The following LNX2 variants were observed in gnomAD, a reference collection of about 807,000 sequenced individuals.
LNX2 encodes ligand of numb-protein X 2.
LNX2 carries 35 observed loss-of-function variants against 66.2 expected under a neutral mutation model. That is an observed-to-expected ratio of 0.53 (90% CI 0.40 to 0.70). The LOEUF (loss-of-function observed/expected upper bound fraction) is 0.70. Ranked by LOEUF, LNX2 falls within the 30% of genes least tolerant of loss-of-function variation. LNX2 has a pLI of 0.00. For synonymous variants in LNX2, 337 were observed against 315.6 expected (o/e 1.07, Z -0.72); for missense variants, 791 against 850.8 (o/e 0.93, Z 0.87).
chr13:27,599,229 G>T (rs1955629884), intron 1 of LNX2, among the ~76,000 whole-genome samples: 1 of 152,132 alleles, frequency 6.6e-6, no homozygotes, highest in African/African-American at 2.4e-5. Flanking sequence ...AATTTGTACA[G>T]TGCTTTGAAT....
rs11281345 is a variant in LNX2 at position 27,583,261 on chromosome 13, C to CGCGT, written c.-100-1459_-100-1458insACGC. Among the ~76,000 whole-genome samples the CGCGT allele has an allele frequency of 5.7e-3, 261 of 45,462 alleles. 74 individuals are homozygous for CGCGT. The highest frequency in any genetic ancestry group is 9.9e-3 in the African/African-American group (117 of 11,792). 29.8% of individuals were successfully genotyped at this position (45,462 alleles called of 152,430 possible). On this transcript the variant is annotated intron_variant, in intron 1 of 9. Coordinates refer to ENST00000316334, the MANE Select transcript of LNX2 (RefSeq NM_153371.4). ...GTGTGTGTGTGTGTGTGTGTGCGCG[C>CGCGT]GTCCTCTCCAACATACTTATTTTTA...
chr13:27,620,898 A>G (rs556906809), upstream of LNX2: 1 of 150,628 alleles, frequency 6.6e-6, no homozygotes, highest in African/African-American at 2.4e-5. Flanking sequence ...ATCCAGAGGA[A>G]TCGCGGGGCG....
intron 1 of LNX2, among the ~76,000 whole-genome samples, chr13:27,614,651 G>GT (rs879278334): frequency 3.9e-5 from 6 of 152,184 alleles, no homozygotes; most frequent in Non-Finnish European, 7.3e-5. Context: ...TATCTGGGCA[G>GT]TAGGCAGGAA....
At chr13:27,596,964 C>T (rs553987529) in intron 1 of LNX2, among the ~76,000 whole-genome samples, 1 of 152,312 alleles carries the variant, frequency 6.6e-6, no homozygotes, top group East Asian at 1.9e-4. Flanking sequence ...TTGCCTTCCA[C>T]ATCTAAGCAG....
rs546630336 is a variant in LNX2 at position 27,583,880 on chromosome 13, G to A, written c.-100-2077C>T. On this transcript the variant is annotated intron_variant, in intron 1 of 9. Transcript: ENST00000316334. ...CTATGGAGAGACATGAAAAGAACTG[G>A]CATCTAACTCTGGCTTTGTGGCCGG... is the stretch of plus-strand genomic sequence containing the variant. Among the ~76,000 whole-genome samples the A allele has an allele frequency of 5.3e-4, 81 of 152,268 alleles. 1 individual carries two copies. Among genetic ancestry groups the A allele is most frequent in the African/African-American group, 1.9e-3 (79 of 41,544 alleles).
chr13:27,573,443 T>TAA (rs60543818), intron 2 of LNX2, among the ~76,000 whole-genome samples: 38 of 146,882 alleles, frequency 2.6e-4, no homozygotes, highest in Middle Eastern at 3.5e-3. Context: ...AAGCATTGGT[T>TAA]AAAAAAAAAA....
intron 1 of LNX2, among the ~76,000 whole-genome samples, chr13:27,584,476 C>T (rs541333082): frequency 1.3e-5 from 2 of 149,930 alleles, no homozygotes; most frequent in East Asian, 4.0e-4. Context: ...ATCCCTTGAG[C>T]CCAGGAGTGA....
At chr13:27,557,221 T>C (rs1672106132) in intron 6 of LNX2, among the ~76,000 whole-genome samples, 1 of 152,096 alleles carries the variant, frequency 6.6e-6, no homozygotes, top group South Asian at 2.1e-4. Context: ...TTTACATGCA[T>C]TATTTCATTT....
chr13:27,590,104 C>A (rs546678337), intron 1 of LNX2, among the ~76,000 whole-genome samples: 2 of 152,304 alleles, frequency 1.3e-5, no homozygotes, highest in Non-Finnish European at 2.9e-5. Flanking sequence ...CGCCCACCAC[C>A]ACCCCCGGCT....
Position 27,548,219 on chromosome 13 carries a change from C to T in LNX2, c.*116G>A, listed in dbSNP as rs1252962130. On this transcript the variant is annotated 3_prime_UTR_variant, in exon 10 of 10. Coordinates refer to ENST00000316334, the MANE Select transcript of LNX2 (RefSeq NM_153371.4). ...ACGGACAATCTTAGTGGGTTTTGGC[C>T]CTGTGTATACCAGCAGTGTCAGCAG... The T allele has an allele frequency of 2.6e-5, 24 of 910,636 alleles. No homozygotes were observed. The Admixed American group carries it at 5.6e-4, about 21-fold the overall frequency. 56.4% of individuals were successfully genotyped at this position (910,636 alleles called of 1,614,324 possible).
rs576166263 is a variant in LNX2 at position 27,550,344 on chromosome 13, A to T, written c.1926T>A (p.Asp642Glu). Residue 642 changes from aspartate to glutamate, a missense_variant, in exon 9 of 10, where the codon GAT (aspartate) becomes GAA (glutamate). Physicochemically the swap from Asp to Glu is conservative, Grantham distance 45. Coordinates refer to ENST00000316334, the MANE Select transcript of LNX2 (RefSeq NM_153371.4). ...TIVLGTPAYY[D>E]GRLKCGDMIV... ...AGAACAAGACTCACTTTAATCTTCC[A>T]TCATAATAAGCAGGAGTTCCCAAGA... 3.1e-6 allele frequency: 5 copies of T among 1,612,938 alleles called. No individual in the cohort carries two copies. The African/African-American group carries it at 6.7e-5, about 22-fold the overall frequency.
intron 8 of LNX2, among the ~76,000 whole-genome samples, chr13:27,552,494 A>G (rs908661560): frequency 1.3e-5 from 2 of 152,244 alleles, no homozygotes; most frequent in African/African-American, 4.8e-5. Context: ...AATGCTTCAT[A>G]GCTTAGTTTT....
At position 27,581,306 on chromosome 13, in the gene LNX2, A is replaced by C; in HGVS notation, c.398T>G (p.Leu133Arg). The stretch of plus-strand genomic sequence containing the variant: ...TATATTTTTTGCTTACCTGTTTTTG[A>C]GATGTGCCTCCAGATCACAACGTTG... Reference protein sequence around the residue: ...VMQRCDLEAHLKNRCPGASHR... With the variant: ...VMQRCDLEAHRKNRCPGASHR... Residue 133 changes from leucine to arginine, a missense_variant, in exon 2 of 10, where the codon CTC becomes CGC. Leu to Arg is a moderately radical substitution (Grantham distance 102). Transcript: ENST00000316334. 1 of 1,476,798 alleles carries C rather than the reference A, an allele frequency of 6.8e-7. No homozygotes were observed. Among genetic ancestry groups the C allele is most frequent in the Non-Finnish European group, 9.0e-7 (1 of 1,111,204 alleles). 91.5% of individuals were successfully genotyped at this position (1,476,798 alleles called of 1,614,324 possible).
In LNX2 at chr13:27,548,271, C is replaced by A. The variant is rs55768029; in HGVS notation, c.*64G>T. 89,791 of 1,536,968 alleles carry A rather than the reference C, an allele frequency of 0.058. 3,003 individuals are homozygous for A. Among genetic ancestry groups the A allele is most frequent in the Non-Finnish European group, 0.067 (75,878 of 1,124,710 alleles). The stretch of plus-strand genomic sequence containing the variant: ...TCCTAAACCACAAACACAATGAAAC[C>A]AAAGGGTTTTCTTTCAAAAATCTAA... On this transcript the variant is annotated 3_prime_UTR_variant, in exon 10 of 10. Transcript: ENST00000316334.
Position 27,576,322 on chromosome 13 carries a change from T to A in LNX2, c.407+4975A>T, listed in dbSNP as rs141724597. Among the ~76,000 whole-genome samples, 175 of 152,144 alleles carry A rather than the reference T, an allele frequency of 1.2e-3. 1 individual carries two copies. The highest frequency in any genetic ancestry group is 3.9e-3 in the African/African-American group (162 of 41,504). Reference sequence around the variant, plus strand: ...AACACTATAGACCAATTAGACCCAATAGACATATGGAGCACTCCATCCATT... The same window carrying A: ...AACACTATAGACCAATTAGACCCAAAAGACATATGGAGCACTCCATCCATT... On this transcript the variant is annotated intron_variant, in intron 2 of 9. Coordinates refer to ENST00000316334, the MANE Select transcript of LNX2 (RefSeq NM_153371.4).
Position 27,620,514 on chromosome 13 carries a change from C to A in LNX2, c.-240G>T. On this transcript the variant is annotated 5_prime_UTR_variant, in exon 1 of 10. Coordinates refer to ENST00000316334, the MANE Select transcript of LNX2 (RefSeq NM_153371.4). ...CCAGGAATCGCCGCCGCCGCCGCCGCCGCCGCGGATTTCCTGGCAAAAAGC... is the reference window on the plus strand; with the variant it reads ...CCAGGAATCGCCGCCGCCGCCGCCGACGCCGCGGATTTCCTGGCAAAAAGC... The A allele has an allele frequency of 5.7e-6, 1 of 174,224 alleles. No homozygotes were observed. The highest frequency in any genetic ancestry group is 1.2e-5 in the Non-Finnish European group (1 of 85,340). 10.8% of individuals were successfully genotyped at this position (174,224 alleles called of 1,614,324 possible).
chr13:27,557,302 G>C (rs1022399542), intron 6 of LNX2, among the ~76,000 whole-genome samples: 2 of 151,854 alleles, frequency 1.3e-5, no homozygotes, highest in Non-Finnish European at 2.9e-5. Flanking sequence ...ACAAACTTAG[G>C]GAGGTCATGT....
intron 1 of LNX2, among the ~76,000 whole-genome samples, chr13:27,607,920 C>G (rs1955734845): frequency 6.6e-6 from 1 of 152,158 alleles, no homozygotes; most frequent in Admixed American, 6.5e-5. Context: ...CATAACAGAC[C>G]ATTGAGATTT....
chr13:27,558,771 T>C (rs1207283985), intron 6 of LNX2, among the ~76,000 whole-genome samples: 1 of 152,152 alleles, frequency 6.6e-6, no homozygotes, highest in African/African-American at 2.4e-5. Context: ...TCTGTGATTA[T>C]AATTTCTTTT....
Sources: gnomAD v4.1 joint callset for allele counts (sites outside exome capture counted in the v4.1 genomes callset) on GRCh38, gnomAD v4.1.1 for gene constraint, MANE v1.5 for transcripts, NCBI Gene and HGNC (gene_info 2026-07-23, HGNC 2026-07-21) for gene names.